Variants in C12orf76 observed in about 807,000 individuals in gnomAD.
The protein encoded by C12orf76 is chromosome 12 open reading frame 76, also known as uncharacterized protein C12orf76.
C12orf76 carries 6 observed loss-of-function variants against 6.8 expected under a neutral mutation model. That is an observed-to-expected ratio of 0.88 (90% confidence interval 0.48 to 1.73). C12orf76 has a LOEUF of 1.73. Ranked by LOEUF, C12orf76 falls within the 40% of genes most tolerant of loss-of-function variation. The pLI, the probability that C12orf76 is intolerant of heterozygous loss-of-function variation, is 0.01. For synonymous variants in C12orf76, 56 were observed against 43.7 expected, an observed-to-expected ratio of 1.28 and a Z score of -1.11; for missense variants, 99 against 98.2, an observed-to-expected ratio of 1.01 and a Z score of -0.03.
In C12orf76 at chr12:110,048,421, G is replaced by T; in HGVS notation, c.75C>A (p.Ser25Arg). 2 of 1,514,320 alleles carry T rather than the reference G, an allele frequency of 1.3e-6. No individual in the cohort carries two copies. Among genetic ancestry groups the T allele is most frequent in the Admixed American group, 2.0e-5 (1 of 49,138 alleles). The allele number at this position is 1,514,320 out of a possible 1,614,324, so 93.8% of individuals were successfully genotyped here. A position where few individuals can be genotyped will look rare whatever the true frequency, so the allele number is the denominator to read the frequency against. The change falls in exon 1 of 2, where the codon AGC (serine) becomes AGA (arginine). Residue 25 changes from serine (S) to arginine (R), a missense_variant. Coordinates refer to ENST00000615315, the MANE Select transcript of C12orf76 (RefSeq NM_001389625.1). ...SLLVGEAEAP[S>R]PVDPLERSRP... ...GGCTCCGCTCCAGCGGATCCACGGGGCTCGGGGCCTCTGCCTCCCCCACCA... is the reference window on the plus strand; with the variant it reads ...GGCTCCGCTCCAGCGGATCCACGGGTCTCGGGGCCTCTGCCTCCCCCACCA...
chr12:110,063,187 G>A (rs1298811814), intron 2 of C12orf76, among the ~76,000 whole-genome samples: 1 of 150,266 alleles, frequency 6.7e-6, no homozygotes, highest in Non-Finnish European at 1.5e-5. Flanking sequence ...TGATCCGCCC[G>A]CCTCAGCCTC....
At chr12:110,052,110 ATG>A (rs1892587290), upstream of C12orf76, among the ~76,000 whole-genome samples, 1 of 143,658 alleles carries the variant, frequency 7.0e-6, no homozygotes, top group Non-Finnish European at 1.5e-5. Flanking sequence ...ATTGGCTATG[ATG>A]GTCTCGATCT....
intron 1 of C12orf76, among the ~76,000 whole-genome samples, chr12:110,046,530 C>G (rs986824306): frequency 1.3e-5 from 2 of 152,250 alleles, no homozygotes; most frequent in African/African-American, 4.8e-5. Context: ...CTGTCCCAGA[C>G]CACTACATAG....
At chr12:110,068,318 AGAAGAAGAAGAAGGC>A (rs1180444612), upstream of C12orf76, among the ~76,000 whole-genome samples, 830 of 142,702 alleles carry the variant, frequency 5.8e-3, 28 homozygotes, top group Non-Finnish European at 9.3e-3. Flanking sequence ...AAGAAGAAGA[AGAAGAAGAAGAAGGC>A]GGCCAAATAG....
At chr12:110,059,584 G>C (rs1009640101) in intron 2 of C12orf76, among the ~76,000 whole-genome samples, 3 of 152,112 alleles carry the variant, frequency 2.0e-5, no homozygotes, top group Non-Finnish European at 4.4e-5. Flanking sequence ...AGGACTTCTG[G>C]GTCAAAGGGT....
chr12:110,068,250 G>GAAGAAGAAGAAA (rs1566080002), upstream of C12orf76, among the ~76,000 whole-genome samples: 104 of 26,462 alleles, frequency 3.9e-3, no homozygotes, highest in African/African-American at 0.011. Context: ...GAAGAAGAAA[G>GAAGAAGAAGAAA]AAGAAGAAGA....
rs184255830 is a variant in C12orf76, at chr12:110,065,244, C to T, written n.380+616G>A. Reference sequence around the variant, plus strand: ...GGAGTGCAGTGGTGCAATCTCGGCTCGCTGCAACCTCCGCCTCCTGGATTC... The same window carrying T: ...GGAGTGCAGTGGTGCAATCTCGGCTTGCTGCAACCTCCGCCTCCTGGATTC... On this transcript the variant is annotated intron_variant and non_coding_transcript_variant, in intron 2 of 4. Coordinates refer to the C12orf76 transcript ENST00000309050. 1.4e-4 allele frequency among the ~76,000 whole-genome samples: 21 copies of T among 151,548 alleles called. No homozygotes were observed. In the East Asian group the frequency reaches 3.1e-3, roughly 22 times the overall value.
upstream of C12orf76, chr12:110,051,354 T>C (rs117893869): frequency 2.7e-4 from 180 of 677,034 alleles, 1 homozygote; most frequent in Non-Finnish European, 4.5e-4. Flanking sequence ...GATCAAATGA[T>C]ATATGTCTGC....
intron 1 of C12orf76, chr12:110,042,755 G>A: frequency 4.9e-6 from 3 of 613,256 alleles, no homozygotes; most frequent in Admixed American, 5.4e-5. Flanking sequence ...CATCCGAGGA[G>A]GAGACTCACA....
At chr12:110,048,742 C>T (rs1593244715), upstream of C12orf76, 2 of 1,038,750 alleles carry the variant, frequency 1.9e-6, no homozygotes, top group South Asian at 8.4e-5. Context: ...CAACGTTCGC[C>T]GCGATTACCG....
intron 4 of C12orf76, among the ~76,000 whole-genome samples, chr12:110,056,677 G>C (rs1381522266): frequency 6.6e-6 from 1 of 152,182 alleles, no homozygotes; most frequent in East Asian, 1.9e-4. Flanking sequence ...TGGTTTGGCT[G>C]TGTCCCCACC....
intron 2 of C12orf76, among the ~76,000 whole-genome samples, chr12:110,062,329 T>C (rs1243251809): frequency 6.6e-6 from 1 of 152,180 alleles, no homozygotes; most frequent in African/African-American, 2.4e-5. Flanking sequence ...GAATTTACTC[T>C]GCTGAATTTA....
At chr12:110,057,307 A>G in intron 3 of C12orf76, 4 of 1,580,462 alleles carry the variant, frequency 2.5e-6, no homozygotes, top group Non-Finnish European at 3.5e-6. Flanking sequence ...CTAAGGTTCC[A>G]GAGCAAAAGT....
Position 110,062,774 on chromosome 12 carries a change from C to T in C12orf76, n.380+3086G>A, listed in dbSNP as rs182466055. 6.3e-3 allele frequency among the ~76,000 whole-genome samples: 938 copies of T among 148,264 alleles called. 1 individual carries two copies. The highest frequency in any genetic ancestry group is 9.2e-3 in the Non-Finnish European group (618 of 67,326). On this transcript the variant is annotated intron_variant and non_coding_transcript_variant, in intron 2 of 4. Coordinates refer to the C12orf76 transcript ENST00000309050. The stretch of plus-strand genomic sequence containing the variant: ...AGCTGGAACTACAGGTGTGCACCAC[C>T]ATGCCCAGCTAATATTTTTTTTTTT...
chr12:110,059,226 C>T, intron 2 of C12orf76: 6 of 1,491,600 alleles, frequency 4.0e-6, no homozygotes, highest in Non-Finnish European at 5.4e-6. Flanking sequence ...TTCCTTGCGA[C>T]TTTACTGAAT....
At chr12:110,065,337 A>AT (rs1424009875) in intron 2 of C12orf76, among the ~76,000 whole-genome samples, 1 of 151,678 alleles carries the variant, frequency 6.6e-6, no homozygotes, top group Non-Finnish European at 1.5e-5. Flanking sequence ...CGCCCAGCTA[A>AT]TTTTTGTATT....
chr12:110,072,938 G>C (rs2137244817), intron 1 of C12orf76, among the ~76,000 whole-genome samples: 1 of 139,970 alleles, frequency 7.1e-6, no homozygotes, highest in East Asian at 2.0e-4. Context: ...ACAAGAGCGA[G>C]ACTTCATCTC....
At chr12:110,063,604 T>A (rs1427790632) in intron 2 of C12orf76, among the ~76,000 whole-genome samples, 4 of 122,320 alleles carry the variant, frequency 3.3e-5, no homozygotes, top group South Asian at 2.5e-4. Context: ...ATTTTTATTT[T>A]TATTTATTTA....
chr12:110,068,264 AG>A (rs1307794309), upstream of C12orf76, among the ~76,000 whole-genome samples: 72 of 113,348 alleles, frequency 6.4e-4, no homozygotes, highest in Non-Finnish European at 9.9e-4. Context: ...AAGAAGAAGA[AG>A]AAGAAGAAGA....
Sources: gnomAD v4.1 joint callset for allele counts (sites outside exome capture counted in the v4.1 genomes callset) on GRCh38, gnomAD v4.1.1 for gene constraint, MANE v1.5 for transcripts, NCBI Gene and HGNC (gene_info 2026-07-23, HGNC 2026-07-21) for gene names.